IL3RA: variants seen among roughly 807,000 people sequenced by gnomAD.
The protein encoded by IL3RA is interleukin-3 receptor subunit alpha.
In IL3RA, 73 loss-of-function variants were observed where a neutral mutation model predicts 52.3. The ratio of observed to expected loss-of-function variants is 1.40; its 90% CI spans 1.16 to 1.70. IL3RA has a LOEUF of 1.70. Among genes scored for constraint, IL3RA ranks in the 40% most tolerant of loss-of-function variants. IL3RA has a pLI of 0.00. For missense variants in IL3RA, 664 were observed against 504.4 expected (o/e 1.32, Z -3.03); for synonymous variants, 260 against 194.0 (o/e 1.34, Z -2.83).
chrX:1,351,430 G>C (rs1444933818), intron 4 of IL3RA, among the ~76,000 whole-genome samples: 9 of 151,712 alleles, frequency 5.9e-5, no homozygotes, highest in Non-Finnish European at 1.3e-4. Flanking sequence ...CTGGGTTCAA[G>C]AAATTCTCCT....
Position 1,346,923 on chromosome X carries a change from C to G in IL3RA, c.183+1489C>G, listed in dbSNP as rs770385920. 7.3e-5 allele frequency among the ~76,000 whole-genome samples: 11 copies of G among 151,398 alleles called. No homozygotes were observed. In the South Asian group the frequency reaches 1.9e-3, roughly 26 times the overall value. ...CCATTATAAAATCCTACCCCCAGCT[C>G]CAAATACAGTCCCATTGAACTTTGT... On this transcript the variant is annotated intron_variant, in intron 3 of 11. Transcript: ENST00000331035.
intron 5 of IL3RA, 42 bp from the exon 6 acceptor site, chrX:1,352,280 C>CA (rs1569521378): frequency 6.2e-7 from 1 of 1,613,090 alleles, no homozygotes; most frequent in East Asian, 2.2e-5. Flanking sequence ...GTGCGGGTGC[C>CA]ATCGGCGTGG....
intron 3 of IL3RA, among the ~76,000 whole-genome samples, chrX:1,345,806 G>C (rs2085718127): frequency 6.6e-6 from 1 of 151,848 alleles, no homozygotes; most frequent in South Asian, 2.1e-4. Flanking sequence ...CTCTAATGTT[G>C]ACGAACAAGA....
At chrX:1,345,032 G>A (rs1319479013) in intron 2 of IL3RA, among the ~76,000 whole-genome samples, 2 of 151,108 alleles carry the variant, frequency 1.3e-5, no homozygotes, top group South Asian at 2.1e-4. Flanking sequence ...AGCCGGGCGT[G>A]GTGGCGGGCG....
At chrX:1,365,355 AGCGGGGTGAGCCGGGTGC>A (rs2087882089) in intron 9 of IL3RA, 103 bp downstream of exon 9, 2 of 271,060 alleles carry the variant, frequency 7.4e-6, no homozygotes, top group South Asian at 5.5e-5. Flanking sequence ...GAGCGGGGTG[AGCGGGGTGAGCCGGGTGC>A]GCGGGGTGAG....
intron 8 of IL3RA, among the ~76,000 whole-genome samples, chrX:1,360,817 C>T (rs1327286071): frequency 8.6e-5 from 13 of 152,026 alleles, no homozygotes; most frequent in South Asian, 6.3e-4. Flanking sequence ...TGTGAGCCAC[C>T]GTGCCCGGCC....
At chrX:1,381,288 C>T (rs1252509060) in intron 11 of IL3RA, among the ~76,000 whole-genome samples, 184 bp downstream of exon 11, 1 of 152,084 alleles carries the variant, frequency 6.6e-6, no homozygotes, top group African/African-American at 2.4e-5. Context: ...ATCCCAGCTA[C>T]TCGGGAGGCT....
intron 4 of IL3RA, among the ~76,000 whole-genome samples, chrX:1,348,853 C>A (rs188323315): frequency 1.4e-3 from 188 of 134,616 alleles, no homozygotes; most frequent in African/African-American, 5.3e-3. Context: ...TCCTTCCCAC[C>A]CTACTTCCTC....
chrX:1,362,933 G>T (rs769139828), intron 8 of IL3RA, among the ~76,000 whole-genome samples: 1 of 151,890 alleles, frequency 6.6e-6, no homozygotes, highest in African/African-American at 2.4e-5. Flanking sequence ...ACACCACCAC[G>T]CCTGGCTAAT....
At chrX:1,354,502 GAGGAGA>G (rs759300643) in intron 6 of IL3RA, among the ~76,000 whole-genome samples, 3,136 of 147,356 alleles carry the variant, frequency 0.021, 131 homozygotes, top group African/African-American at 0.075. Flanking sequence ...GGGGGAGGAG[GAGGAGA>G]AGGAAAAGAA....
At chrX:1,348,644 C>CTTTCTTTCTTTCTTTCTT (rs1355205373) in intron 4 of IL3RA, 99 bp downstream of exon 4, 7 of 496,828 alleles carry the variant, frequency 1.4e-5, no homozygotes, top group Non-Finnish European at 2.1e-5. Context: ...TTTTCTTTTT[C>CTTTCTTTCTTTCTTTCTT]TCTTTCTTTC....
At position 1,364,530 on chromosome X, in the gene IL3RA, C is replaced by T. The variant is rs1267989145; in HGVS notation, c.760-608C>T. ...ACAAATTTTCTTCTAGAGATGGGGT[C>T]TTGGTTTGTTGCCCAGGCTGGTCTC... On this transcript the variant is annotated intron_variant, in intron 8 of 11. Coordinates refer to ENST00000331035, the MANE Select transcript of IL3RA (RefSeq NM_002183.4). 2.0e-5 allele frequency among the ~76,000 whole-genome samples: 3 copies of T among 152,066 alleles called. No homozygotes were observed. In the East Asian group the frequency reaches 5.8e-4, roughly 29 times the overall value.
intron 4 of IL3RA, among the ~76,000 whole-genome samples, chrX:1,351,185 C>T (rs2086066838): frequency 1.3e-5 from 2 of 151,770 alleles, no homozygotes; most frequent in South Asian, 2.1e-4. Flanking sequence ...CCAGCCTAGG[C>T]GACGGAGCGA....
chrX:1,381,538 ATTT>A (rs555777406), intron 11 of IL3RA, among the ~76,000 whole-genome samples: 9 of 140,126 alleles, frequency 6.4e-5, no homozygotes, highest in African/African-American at 1.6e-4. Context: ...AGCAGAGCAG[ATTT>A]TTTTTTTTTT....
intron 6 of IL3RA, among the ~76,000 whole-genome samples, chrX:1,353,401 A>T (rs2086277541): frequency 1.4e-5 from 2 of 139,382 alleles, no homozygotes; most frequent in South Asian, 2.4e-4. Flanking sequence ...TAGGACCCCC[A>T]TCATGGATTC....
At chrX:1,341,868 G>C (rs371673478) in intron 2 of IL3RA, 39 bp downstream of exon 2, 4 of 1,600,250 alleles carry the variant, frequency 2.5e-6, no homozygotes, top group Non-Finnish European at 3.4e-6. Context: ...CACCTGGGGA[G>C]CGGTGGGGGT....
chrX:1,368,024 C>A (rs1324024334), intron 9 of IL3RA, among the ~76,000 whole-genome samples: 109 of 152,198 alleles, frequency 7.2e-4, no homozygotes, highest in Non-Finnish European at 3.5e-4. Flanking sequence ...GTAATAAAGA[C>A]CGAGGCGGGC....
intron 11 of IL3RA, among the ~76,000 whole-genome samples, chrX:1,382,141 G>C: frequency 6.6e-6 from 1 of 150,386 alleles, no homozygotes; most frequent in Non-Finnish European, 1.5e-5. Flanking sequence ...AGTAGAGAAG[G>C]GGTTTCACCA....
chrX:1,360,955 C>T (rs1412348985), intron 8 of IL3RA, among the ~76,000 whole-genome samples: 183 of 101,012 alleles, frequency 1.8e-3, no homozygotes, highest in Non-Finnish European at 2.6e-3. Context: ...CCCTCTGTCT[C>T]TCTCTCCCTT....
Sources: gnomAD v4.1 joint callset for allele counts (sites outside exome capture counted in the v4.1 genomes callset) on GRCh38, gnomAD v4.1.1 for gene constraint, MANE v1.5 for transcripts, NCBI Gene and HGNC (gene_info 2026-07-23, HGNC 2026-07-21) for gene names.